Variants in CD244 observed in about 807,000 individuals in gnomAD.
CD244 encodes CD244 molecule, also known as natural killer cell receptor 2B4.
A neutral mutation model predicts 45.5 loss-of-function variants in CD244; 20 were observed. The observed-to-expected ratio is 0.44, with a 90% confidence interval of 0.31 to 0.64. CD244 has a LOEUF of 0.64. CD244 is among the 30% of genes least tolerant of loss of function. CD244 has a pLI of 0.08. For synonymous variants in CD244, 185 were observed against 160.5 expected (o/e 1.15, Z -1.15); for missense variants, 407 against 426.9 (o/e 0.95, Z 0.41).
intron 7 of CD244, among the ~76,000 whole-genome samples, 158 bp downstream of exon 7, chr1:160,833,893 C>T (rs1669225340): frequency 6.6e-6 from 1 of 152,126 alleles, no homozygotes; most frequent in Non-Finnish European, 1.5e-5. Flanking sequence ...TCTCATTGGC[C>T]CATTGACATT....
intron 1 of CD244, among the ~76,000 whole-genome samples, chr1:160,860,985 C>A (rs1021597633): frequency 6.6e-6 from 1 of 152,246 alleles, no homozygotes; most frequent in African/African-American, 2.4e-5. Flanking sequence ...CCAAGCCCAG[C>A]TATGGTGCTG....
At chr1:160,840,685 A>G (rs990626119) in intron 3 of CD244, among the ~76,000 whole-genome samples, 2 of 152,172 alleles carry the variant, frequency 1.3e-5, no homozygotes, top group African/African-American at 4.8e-5. Flanking sequence ...TGGTACATTA[A>G]GTCCCTGTTT....
chr1:160,836,374 A>C, intron 5 of CD244, 120 bp from the exon 6 acceptor site: 1 of 740,850 alleles, frequency 1.3e-6, no homozygotes, highest in Non-Finnish European at 2.4e-6. Context: ...GGGAGGTGGC[A>C]GGACTGGGGA....
In CD244 at chr1:160,860,349, T is replaced by C. The variant is rs76097098; in HGVS notation, c.61+2268A>G. 4.6e-5 allele frequency among the ~76,000 whole-genome samples: 7 copies of C among 152,070 alleles called. No homozygotes were observed. In the East Asian group the frequency reaches 1.4e-3, roughly 29 times the overall value. Reference sequence around the variant, plus strand: ...TGTCTTCTTCAAGAATGCAATATCATGAAAGATGAAGAAAGGTTAAAGTAT... The same window carrying C: ...TGTCTTCTTCAAGAATGCAATATCACGAAAGATGAAGAAAGGTTAAAGTAT... On this transcript the variant is annotated intron_variant, in intron 1 of 8. Coordinates refer to ENST00000368034, the MANE Select transcript of CD244 (RefSeq NM_016382.4).
chr1:160,860,982 C>T (rs1404921300), intron 1 of CD244, among the ~76,000 whole-genome samples: 2 of 152,228 alleles, frequency 1.3e-5, no homozygotes, highest in Non-Finnish European at 2.9e-5. Context: ...TAGCCAAGCC[C>T]AGCTATGGTG....
At chr1:160,831,519 A>G in intron 8 of CD244, 92 bp from the exon 9 acceptor site, 1 of 913,858 alleles carries the variant, frequency 1.1e-6, no homozygotes, top group Non-Finnish European at 1.8e-6. Flanking sequence ...CATTTTACAG[A>G]TTTAAAAAAT....
At chr1:160,833,149 T>C (rs1387419515) in intron 7 of CD244, among the ~76,000 whole-genome samples, 2 of 152,094 alleles carry the variant, frequency 1.3e-5, no homozygotes, top group Admixed American at 6.6e-5. Flanking sequence ...AGAGTTTACA[T>C]ACACCAAAGC....
At chr1:160,843,361 G>C (rs1164175705) in intron 1 of CD244, among the ~76,000 whole-genome samples, 1 of 152,144 alleles carries the variant, frequency 6.6e-6, no homozygotes, top group Non-Finnish European at 1.5e-5. Context: ...ATAAGAACAA[G>C]TCAACCTACC....
chr1:160,838,759 T>C (rs1256591738), intron 4 of CD244, 180 bp downstream of exon 4: 2 of 616,756 alleles, frequency 3.2e-6, no homozygotes, highest in African/African-American at 1.8e-5. Context: ...TCAGAAGGCA[T>C]GAACTGGGAG....
intron 3 of CD244, among the ~76,000 whole-genome samples, chr1:160,840,650 T>C (rs1669507289): frequency 6.6e-6 from 1 of 152,218 alleles, no homozygotes; most frequent in Non-Finnish European, 1.5e-5. Context: ...TGTATGGTTT[T>C]TTTTTCCTAT....
chr1:160,861,814 G>A (rs1157415691), intron 1 of CD244, among the ~76,000 whole-genome samples: 1 of 152,034 alleles, frequency 6.6e-6, no homozygotes, highest in East Asian at 1.9e-4. Flanking sequence ...TCCAGCCTGG[G>A]TGACAGAAGG....
At chr1:160,837,804 G>A (rs148622961) in intron 5 of CD244, among the ~76,000 whole-genome samples, 42 of 152,380 alleles carry the variant, frequency 2.8e-4, no homozygotes, top group African/African-American at 9.9e-4. Context: ...CCCTAAGCGA[G>A]ACACAGCAGT....
In CD244 at chr1:160,832,549, G is replaced by A; in HGVS notation, c.987C>T (p.Ser329=). The change falls in exon 8 of 9, where the codon AGC becomes AGT. Residue 329 remains serine, a synonymous_variant. Transcript: ENST00000368034. ...RKSGSRKRNH[S]PSFNSTIYEV... ...CATAGATAGTGCTATTGAAGGAAGG[G>A]CTGTGGTTCCTCTTCCTGGATCCAG... 6.2e-7 allele frequency: 1 copy of A among 1,611,544 alleles called. No individual in the cohort carries two copies. The highest frequency in any genetic ancestry group is 8.5e-7 in the Non-Finnish European group (1 of 1,178,436).
Position 160,838,964 on chromosome 1 carries a change from C to T in CD244, c.741G>A (p.Arg247=). The change falls in exon 4 of 9, where the codon AGG becomes AGA. Residue 247 remains arginine (R), a synonymous_variant. Coordinates refer to ENST00000368034, the MANE Select transcript of CD244 (RefSeq NM_016382.4). ...CTGACTGCTTCTCCTTCCTCTTTCT[C>T]CTCCACACACAGAAGCAGGCAAGGG... is the stretch of plus-strand genomic sequence containing the variant. ...LGTLACFCVW[R]RKRKEKQSET... 6.2e-7 allele frequency: 1 copy of T among 1,613,874 alleles called. No individual in the cohort carries two copies. Among genetic ancestry groups the T allele is most frequent in the Non-Finnish European group, 8.5e-7 (1 of 1,179,810 alleles).
intron 6 of CD244, among the ~76,000 whole-genome samples, chr1:160,835,580 C>A (rs1669304829): frequency 6.6e-6 from 1 of 152,070 alleles, no homozygotes; most frequent in Non-Finnish European, 1.5e-5. Flanking sequence ...CCATTGCACT[C>A]AGCCTGGTAG....
At position 160,838,600 on chromosome 1, in the gene CD244, C is replaced by T. The variant is rs140476430; in HGVS notation, c.767-82G>A. 3,856 of 947,356 alleles carry T rather than the reference C, an allele frequency of 4.1e-3. 48 individuals are homozygous for T. The highest frequency in any genetic ancestry group is 0.025 in the South Asian group (1,931 of 77,372). The allele number at this position is 947,356 out of a possible 1,614,324, so 58.7% of individuals were successfully genotyped here. ...CTTCTAACAGGTCCCACCTCTACCC[C>T]AAATGGCCAAACCTTAAAAAAGGTT... On this transcript the variant is annotated intron_variant, in intron 4 of 8. Transcript: ENST00000368034.
rs480104 is a variant in CD244, at chr1:160,831,256, C to G, written c.*91G>C. On this transcript the variant is annotated 3_prime_UTR_variant, in exon 9 of 9. Transcript: ENST00000368034. ...TTCCATATCCTCTCCAGACTAGGAA[C>G]TGTTCTATAGAGACTCCTGTGCCGT... 195,428 of 866,720 alleles carry G rather than the reference C, an allele frequency of 0.23. 23,477 individuals are homozygous for G. The highest frequency in any genetic ancestry group is 0.39 in the East Asian group (16,076 of 40,898). 53.7% of individuals were successfully genotyped at this position (866,720 alleles called of 1,614,324 possible). A position where few individuals can be genotyped will look rare whatever the true frequency, so the allele number is the denominator to read the frequency against.
chr1:160,835,100 CT>C (rs34052993), intron 6 of CD244, among the ~76,000 whole-genome samples: 3,416 of 151,058 alleles, frequency 0.023, 114 homozygotes, highest in African/African-American at 0.076. Context: ...TTTTTTTTTT[CT>C]TTTTTTTAAA....
chr1:160,862,281 A>G (rs1299531955), intron 1 of CD244, among the ~76,000 whole-genome samples: 1 of 152,136 alleles, frequency 6.6e-6, no homozygotes, highest in Non-Finnish European at 1.5e-5. Context: ...TCATGCCACA[A>G]TTGGAGGATG....
Sources: gnomAD v4.1 joint callset for allele counts (sites outside exome capture counted in the v4.1 genomes callset) on GRCh38, gnomAD v4.1.1 for gene constraint, MANE v1.5 for transcripts, NCBI Gene and HGNC (gene_info 2026-07-23, HGNC 2026-07-21) for gene names.